Variants in MOK observed in about 807,000 individuals in gnomAD.
MOK encodes the protein MAPK/MAK/MRK overlapping kinase.
A neutral mutation model predicts 54.2 loss-of-function variants in MOK; 59 were observed. That is an observed-to-expected ratio of 1.09 (90% CI 0.88 to 1.35). The LOEUF (loss-of-function observed/expected upper bound fraction) is 1.35, where lower values mean the gene tolerates loss of function less well. Among genes scored for constraint, MOK ranks in the 40% most tolerant of loss-of-function variants. The pLI, the probability that MOK is intolerant of heterozygous loss-of-function variation, is 0.00. For missense variants in MOK, 517 were observed against 526.2 expected (o/e 0.98, Z 0.17); for synonymous variants, 210 against 202.7 (o/e 1.04, Z -0.31).
intron 2 of MOK, chr14:102,277,184 AC>A (rs2068957125): frequency 6.6e-6 from 1 of 151,866 alleles, no homozygotes; most frequent in Non-Finnish European, 1.5e-5. Flanking sequence ...AAGCCACCAC[AC>A]CCAGCCTAAG....
intron 1 of MOK, among the ~76,000 whole-genome samples, chr14:102,298,689 C>T (rs1351127720): frequency 6.6e-6 from 1 of 152,202 alleles, no homozygotes; most frequent in Non-Finnish European, 1.5e-5. Flanking sequence ...TAAAAGCAGG[C>T]TGCCCAAGCC....
intron 1 of MOK, among the ~76,000 whole-genome samples, chr14:102,302,942 GC>G (rs1477907469): frequency 6.6e-6 from 1 of 151,006 alleles, no homozygotes; most frequent in Non-Finnish European, 1.5e-5. Context: ...CGGGTGGATC[GC>G]TTGACGTCAG....
chr14:102,305,063 C>A lies in MOK; in HGVS notation c.-95G>T. On this transcript the variant is annotated 5_prime_UTR_variant, in exon 1 of 12. Transcript: ENST00000361847. ...CCCCCTGCTTTCCACTTCCCTGAGGCGGGGTCCCGCACTAGGATCTCCGTG... is the reference window on the plus strand; with the variant it reads ...CCCCCTGCTTTCCACTTCCCTGAGGAGGGGTCCCGCACTAGGATCTCCGTG... 2.1e-6 allele frequency: 3 copies of A among 1,442,430 alleles called. No individual in the cohort carries two copies. The highest frequency in any genetic ancestry group is 2.9e-6 in the Non-Finnish European group (3 of 1,045,146). 89.4% of individuals were successfully genotyped at this position (1,442,430 alleles called of 1,614,324 possible). A position where few individuals can be genotyped will look rare whatever the true frequency, so the allele number is the denominator to read the frequency against.
At chr14:102,226,344 G>A (rs2064240225), downstream of MOK, 4 of 703,120 alleles carry the variant, frequency 5.7e-6, no homozygotes, top group South Asian at 3.0e-5. This position sits in a 1 kb window ranked among gnomAD's most constrained non-coding sequence, Gnocchi z 4.8. Flanking sequence ...AGAGGGTTGA[G>A]GGATGAACGT....
chr14:102,227,813 T>G (rs2064315281), downstream of MOK, among the ~76,000 whole-genome samples: 1 of 152,150 alleles, frequency 6.6e-6, no homozygotes, highest in Non-Finnish European at 1.5e-5. Context: ...GCGGCCCCGC[T>G]GTCGTGTCAG....
the MOK span, among the ~76,000 whole-genome samples, chr14:102,217,730 T>C: frequency 6.6e-6 from 1 of 152,216 alleles, no homozygotes; most frequent in Non-Finnish European, 1.5e-5. Flanking sequence ...CTTTCTGTTG[T>C]GGTCTGTGTA....
At chr14:102,295,613 A>G (rs2071342035) in intron 1 of MOK, among the ~76,000 whole-genome samples, 1 of 152,230 alleles carries the variant, frequency 6.6e-6, no homozygotes, top group Non-Finnish European at 1.5e-5. Flanking sequence ...TCGAGAGATT[A>G]AACAGTTCAA....
At chr14:102,234,426 C>T (rs1419801892) in intron 7 of MOK, among the ~76,000 whole-genome samples, 2 of 152,160 alleles carry the variant, frequency 1.3e-5, no homozygotes, top group Non-Finnish European at 2.9e-5. Context: ...AACTCTTGAC[C>T]GTCCATCTCC....
chr14:102,256,452 T>TA (rs2153118034), intron 4 of MOK, among the ~76,000 whole-genome samples: 1 of 151,876 alleles, frequency 6.6e-6, no homozygotes, highest in South Asian at 2.1e-4. Flanking sequence ...CGGGTGTCTG[T>TA]AGTCCCAGCT....
At chr14:102,271,325 A>G (rs1157211912) in intron 2 of MOK, among the ~76,000 whole-genome samples, 1 of 152,158 alleles carries the variant, frequency 6.6e-6, no homozygotes, top group African/African-American at 2.4e-5. Context: ...TCCTTGTTCC[A>G]CCACTTCGTC....
chr14:102,227,039 G>GC (rs891245250), downstream of MOK, among the ~76,000 whole-genome samples: 4 of 152,138 alleles, frequency 2.6e-5, no homozygotes, highest in Non-Finnish European at 5.9e-5. Context: ...CCTCCAGAGG[G>GC]CCCCCAGCCC....
intron 2 of MOK, among the ~76,000 whole-genome samples, chr14:102,273,831 T>C (rs1486634954): frequency 6.6e-6 from 1 of 152,120 alleles, no homozygotes; most frequent in Admixed American, 6.6e-5. Flanking sequence ...CAAACTGAAA[T>C]AAATGGAGAG....
At chr14:102,297,537 C>T (rs1016324051) in intron 1 of MOK, among the ~76,000 whole-genome samples, 5 of 152,246 alleles carry the variant, frequency 3.3e-5, no homozygotes, top group South Asian at 2.1e-4. Context: ...GGCACCTCCT[C>T]GGCCTCGGTG....
chr14:102,256,780 T>G (rs1316021246), intron 4 of MOK, among the ~76,000 whole-genome samples: 1 of 151,460 alleles, frequency 6.6e-6, no homozygotes, highest in African/African-American at 2.4e-5. Context: ...AGTAGCTGCC[T>G]CTATAGTCAG....
the MOK span, among the ~76,000 whole-genome samples, chr14:102,218,380 C>T: frequency 6.6e-6 from 1 of 152,192 alleles, no homozygotes; most frequent in African/African-American, 2.4e-5. Flanking sequence ...CCTCCCAGAA[C>T]CCAGAGCTAG....
chr14:102,290,954 G>A (rs746507532), intron 1 of MOK, among the ~76,000 whole-genome samples: 4 of 152,092 alleles, frequency 2.6e-5, no homozygotes, highest in South Asian at 2.1e-4. Context: ...TCCCCAAACC[G>A]AAGATCTTCA....
chr14:102,253,357 C>A (rs1220750255), intron 4 of MOK, among the ~76,000 whole-genome samples: 1 of 152,246 alleles, frequency 6.6e-6, no homozygotes, highest in East Asian at 1.9e-4. Context: ...AATCGTCACA[C>A]AAGTAGCATG....
chr14:102,226,311 CG>C (rs1567117946), downstream of MOK: 8 of 702,732 alleles, frequency 1.1e-5, no homozygotes, highest in Admixed American at 1.6e-4. This position sits in a 1 kb window ranked among gnomAD's most constrained non-coding sequence, Gnocchi z 4.8. Flanking sequence ...ACACTGCGGC[CG>C]GGCAGCATGC....
At chr14:102,303,868 T>C (rs925600933) in intron 1 of MOK, among the ~76,000 whole-genome samples, 1 of 152,214 alleles carries the variant, frequency 6.6e-6, no homozygotes. Context: ...ATATTCAATG[T>C]ACTGCTCTTG....
Sources: allele counts gnomAD v4.1 joint callset (sites outside exome capture counted in the v4.1 genomes callset), GRCh38; gene constraint gnomAD v4.1.1; non-coding constraint Gnocchi (gnomAD v3.1); transcripts MANE v1.5; gene names NCBI Gene and HGNC (gene_info 2026-07-23, HGNC 2026-07-21).